WRAP73: variants seen among roughly 807,000 people sequenced by gnomAD.
WRAP73 encodes WD repeat containing, antisense to TP73, also known as WD repeat-containing protein WRAP73.
WRAP73 carries 55 observed loss-of-function variants against 59.6 expected under a neutral mutation model. The ratio of observed to expected loss-of-function variants is 0.92; its 90% confidence interval spans 0.74 to 1.15. The LOEUF is 1.15. WRAP73 is among the 50% of genes most tolerant of loss of function. WRAP73 has a pLI of 0.00. For synonymous variants in WRAP73, 265 were observed against 258.2 expected (o/e 1.03, Z -0.25); for missense variants, 592 against 608.1 (o/e 0.97, Z 0.28).
chr1:3,638,960 T>C, intron 3 of WRAP73, 138 bp from the exon 4 acceptor site: 1 of 811,372 alleles, frequency 1.2e-6, no homozygotes, highest in Non-Finnish European at 2.0e-6. Flanking sequence ...GGGGGATGCC[T>C]GCCCTCCTAC....
At chr1:3,634,744 A>C (rs12085065) in intron 8 of WRAP73, 18,146 of 522,054 alleles carry the variant, frequency 0.035, 2,550 homozygotes, top group African/African-American at 0.31. Context: ...ACAAAGGAGA[A>C]AACTGGACTG....
rs28503229 is a variant in WRAP73, at chr1:3,635,341, A to G, written c.604-47T>C. 23,587 of 1,608,778 alleles carry G rather than the reference A, an allele frequency of 0.015. 2,744 individuals carry two copies. In the African/African-American group the frequency reaches 0.26, roughly 18 times the overall value. ...TAATAATGAATACACCCCCGTCGCC[A>G]GGAACACACCACAGACGCGGGTGCT... On this transcript the variant is annotated intron_variant, in intron 6 of 11. Transcript: ENST00000270708.
chr1:3,631,111 A>ATTGC lies in WRAP73; in HGVS notation c.1246_1247insGCAA (p.Phe416CysfsTer52). On this transcript the variant is annotated frameshift_variant, in exon 12 of 12. Coordinates refer to ENST00000270708, the MANE Select transcript of WRAP73 (RefSeq NM_017818.4). LOFTEE classifies it low-confidence loss of function (END_TRUNC). Reference sequence around the variant, plus strand: ...ATGCCAGCACAGAGAGAGCACTGCAAAGTCGCCTAGAGAGAGACAGGTGGC... The same window carrying ATTGC: ...ATGCCAGCACAGAGAGAGCACTGCAATTGCAGTCGCCTAGAGAGAGACAGGTGGC... 1 of 1,613,286 alleles carries ATTGC rather than the reference A, an allele frequency of 6.2e-7. No individual in the cohort carries two copies. Among genetic ancestry groups the ATTGC allele is most frequent in the Non-Finnish European group, 8.5e-7 (1 of 1,179,996 alleles).
chr1:3,646,786 G>C lies in WRAP73; in HGVS notation c.223-4C>G, dbSNP rs1259640426. ...CGGGCTGCTCTAAAGACCAGACCTG[G>C]ATTGAGAGAAGAAAGAAACACACAA... On this transcript the variant is annotated splice_polypyrimidine_tract_variant and splice_region_variant and intron_variant, in intron 2 of 11. Transcript: ENST00000270708. This position sits in a 1 kb window ranked among gnomAD's most constrained non-coding sequence, Gnocchi z 5.1. 2 of 1,608,984 alleles carry C rather than the reference G, an allele frequency of 1.2e-6. No individual in the cohort carries two copies. Among genetic ancestry groups the C allele is most frequent in the Non-Finnish European group, 8.5e-7 (1 of 1,177,856 alleles).
rs186807761 is a variant in WRAP73, at chr1:3,646,362, A to C, written c.339+304T>G. ...GTTGCTCAGATCTTCAGTAAGACCAAATCTTCTATCCATGCAATTATAAAC... is the reference window on the plus strand; with the variant it reads ...GTTGCTCAGATCTTCAGTAAGACCACATCTTCTATCCATGCAATTATAAAC... On this transcript the variant is annotated intron_variant, in intron 3 of 11. Coordinates refer to ENST00000270708, the MANE Select transcript of WRAP73 (RefSeq NM_017818.4). This position sits in a 1 kb window ranked among gnomAD's most constrained non-coding sequence, Gnocchi z 5.1. Among the ~76,000 whole-genome samples, 71 of 152,356 alleles carry C rather than the reference A, an allele frequency of 4.7e-4. 1 individual carries two copies. The highest frequency in any genetic ancestry group is 1.7e-3 in the South Asian group (8 of 4,826).
intron 3 of WRAP73, among the ~76,000 whole-genome samples, chr1:3,641,067 T>C (rs1411712789): frequency 6.6e-6 from 1 of 152,200 alleles, no homozygotes; most frequent in Non-Finnish European, 1.5e-5. Context: ...GGTAGTTAAA[T>C]ATACACCTTC....
intron 6 of WRAP73, 144 bp from the exon 7 acceptor site, chr1:3,635,438 G>T: frequency 2.8e-6 from 3 of 1,079,728 alleles, no homozygotes; most frequent in South Asian, 1.6e-5. Context: ...AGCTGGAACT[G>T]CCAGCTAGTA....
At chr1:3,632,027 G>A (rs1052659469) in intron 10 of WRAP73, 186 bp downstream of exon 10, 25 of 1,479,352 alleles carry the variant, frequency 1.7e-5, no homozygotes, top group Middle Eastern at 2.5e-4. Flanking sequence ...GCGGACCTGC[G>A]GCTGCTGCAG....
chr1:3,647,408 C>T lies in WRAP73; in HGVS notation c.222G>A (p.Gln74=). The T allele has an allele frequency of 6.2e-7, 1 of 1,612,804 alleles. No individual in the cohort carries two copies. Among genetic ancestry groups the T allele is most frequent in the Non-Finnish European group, 8.5e-7 (1 of 1,179,486 alleles). ...TTCTAAGCGACACGGCAGCACACAC[C>T]TGCACCAGCCCTCGCTTGTACATGG... ...LCAMYKRGLV[Q]VWSLEQPEWH... is the part of the protein sequence containing the mutation. Residue 74 remains glutamine, a splice_region_variant and synonymous_variant, in exon 2 of 12, where the codon CAG becomes CAA. Coordinates refer to ENST00000270708, the MANE Select transcript of WRAP73 (RefSeq NM_017818.4).
intron 9 of WRAP73, chr1:3,633,137 A>G (rs921194691): frequency 6.9e-6 from 3 of 432,484 alleles, no homozygotes; most frequent in Non-Finnish European, 1.2e-5. Context: ...GCTCCGGAAA[A>G]ACATCCCCTC....
chr1:3,633,592 T>G (rs1208467154), intron 8 of WRAP73, 89 bp from the exon 9 acceptor site: 3 of 994,484 alleles, frequency 3.0e-6, no homozygotes, highest in Non-Finnish European at 4.4e-6. Context: ...CAGCGCATGG[T>G]CAACAGGTGT....
At chr1:3,633,225 A>C in intron 9 of WRAP73, 173 bp downstream of exon 9, 1 of 671,658 alleles carries the variant, frequency 1.5e-6, no homozygotes, top group Non-Finnish European at 2.7e-6. Flanking sequence ...CCCACTGCGC[A>C]ATTCAGACCC....
chr1:3,631,451 C>T lies in WRAP73; in HGVS notation c.1240+15G>A, dbSNP rs1046923690. ...AGCAAGGCTGCCACGTCCGTGGCCT[C>T]GGGGATGTGCTTACCTTCCCCAGGC... On this transcript the variant is annotated intron_variant, in intron 11 of 11. Coordinates refer to ENST00000270708, the MANE Select transcript of WRAP73 (RefSeq NM_017818.4). The T allele has an allele frequency of 5.1e-6, 8 of 1,575,924 alleles. No homozygotes were observed. The highest frequency in any genetic ancestry group is 2.3e-5 in the East Asian group (1 of 42,892).
At chr1:3,636,660 T>C (rs1002496913) in intron 5 of WRAP73, 2 of 395,924 alleles carry the variant, frequency 5.1e-6, no homozygotes, top group Admixed American at 6.9e-5. Flanking sequence ...CCCTGCCTAA[T>C]GCAGGCCCTC....
rs1644545865 is a variant in WRAP73 at position 3,632,432 on chromosome 1, AC to A, written c.923-95del. 7.5e-6 allele frequency: 12 copies of A among 1,592,542 alleles called. No individual in the cohort carries two copies. The East Asian group carries it at 2.7e-4, about 36-fold the overall frequency. On this transcript the variant is annotated intron_variant, in intron 9 of 11. Coordinates refer to ENST00000270708, the MANE Select transcript of WRAP73 (RefSeq NM_017818.4). ...GCTGTGCCTGCATCGGGCATCGCGA[AC>A]CCAGCTCCTCTGTTCAAAGGGGAGG... is the stretch of plus-strand genomic sequence containing the variant.
chr1:3,647,825 A>C (rs564737539), intron 1 of WRAP73, among the ~76,000 whole-genome samples: 1 of 152,364 alleles, frequency 6.6e-6, no homozygotes, highest in South Asian at 2.1e-4. Context: ...TTAAAGCTTT[A>C]AGACATTTTT....
Position 3,647,449 on chromosome 1 carries a change from G to A in WRAP73, c.181C>T (p.Leu61Phe), listed in dbSNP as rs375242248. ...TTGTACATGGCGCACAGGATGAAGA[G>A]CGAGTCTGCCGACCACTCGATGTGC... is the stretch of plus-strand genomic sequence containing the variant. ...IQHIEWSADS[L>F]FILCAMYKRG... Residue 61 changes from leucine (L) to phenylalanine (F), a missense_variant, in exon 2 of 12, where the codon CTC becomes TTC. Physicochemically the swap from Leu to Phe is conservative, Grantham distance 22. Transcript: ENST00000270708. 2 of 1,613,790 alleles carry A rather than the reference G, an allele frequency of 1.2e-6. No individual in the cohort carries two copies. Among genetic ancestry groups the A allele is most frequent in the Non-Finnish European group, 1.7e-6 (2 of 1,179,930 alleles).
chr1:3,632,018 C>T lies in WRAP73; in HGVS notation c.1048+195G>A, dbSNP rs912201576. 14 of 1,467,124 alleles carry T rather than the reference C, an allele frequency of 9.5e-6. No individual in the cohort carries two copies. The African/African-American group carries it at 1.3e-4, about 13-fold the overall frequency. 90.9% of individuals were successfully genotyped at this position (1,467,124 alleles called of 1,614,324 possible). A position where few individuals can be genotyped will look rare whatever the true frequency, so the allele number is the denominator to read the frequency against. On this transcript the variant is annotated intron_variant, in intron 10 of 11. Coordinates refer to ENST00000270708, the MANE Select transcript of WRAP73 (RefSeq NM_017818.4). ...GGGTGGAGGCCTCCTGACTCATGCG[C>T]GGACCTGCGGCTGCTGCAGGACAAA... is the stretch of plus-strand genomic sequence containing the variant.
rs769284176 is a variant in WRAP73, at chr1:3,635,986, GGCCCACTCAA to G, written c.551_560del (p.Ile184ThrfsTer67). 2 of 1,613,966 alleles carry G rather than the reference GGCCCACTCAA, an allele frequency of 1.2e-6. No individual in the cohort carries two copies. Among genetic ancestry groups the G allele is most frequent in the South Asian group, 2.2e-5 (2 of 91,078 alleles). On this transcript the variant is annotated frameshift_variant, in exon 6 of 12. Transcript: ENST00000270708. LOFTEE classifies it high-confidence loss of function. ...ACACTGCCAGCACACAGCCGTTTGG[GGCCCACTCAA>G]TCCCTGTGAGATCCTGGGTGTCCGT... is the stretch of plus-strand genomic sequence containing the variant.
Sources: gnomAD v4.1 joint callset for allele counts (sites outside exome capture counted in the v4.1 genomes callset) on GRCh38, gnomAD v4.1.1 for gene constraint, Gnocchi (gnomAD v3.1) non-coding constraint, MANE v1.5 for transcripts, NCBI Gene and HGNC (gene_info 2026-07-23, HGNC 2026-07-21) for gene names.